EVL: variants seen among roughly 807,000 people sequenced by gnomAD.
EVL encodes the protein Enah/Vasp-like.
Under a neutral mutation model 59.6 loss-of-function variants are expected in EVL, and 21 were observed. The ratio of observed to expected loss-of-function variants is 0.35; its 90% CI spans 0.25 to 0.51. The LOEUF (loss-of-function observed/expected upper bound fraction) is 0.51, where lower values mean the gene tolerates loss of function less well. EVL is among the 20% of genes least tolerant of loss of function. The pLI is 0.97. For missense variants in EVL, 462 were observed against 546.6 expected (o/e 0.85, Z 1.54); for synonymous variants, 198 against 203.5 (o/e 0.97, Z 0.23).
chr14:100,063,566 A>G (rs2061874290), upstream of EVL, among the ~76,000 whole-genome samples: 1 of 152,258 alleles, frequency 6.6e-6, no homozygotes, highest in South Asian at 2.1e-4. Context: ...TAGTGACAGA[A>G]TTAAAGAGGG....
intron 1 of EVL, among the ~76,000 whole-genome samples, chr14:100,014,044 T>C (rs545619778): frequency 1.6e-4 from 25 of 152,350 alleles, no homozygotes; most frequent in South Asian, 4.1e-4. Flanking sequence ...ATTCCAGTTA[T>C]ACTCTTTTAG....
intron 1 of EVL, among the ~76,000 whole-genome samples, chr14:99,984,250 A>G (rs185109522): frequency 2.0e-5 from 3 of 152,300 alleles, no homozygotes; most frequent in African/African-American, 7.2e-5. Context: ...CTGCTGCCAT[A>G]AGACATGATT....
intron 1 of EVL, among the ~76,000 whole-genome samples, chr14:100,006,020 C>CCG (rs1403694326): frequency 6.6e-6 from 1 of 151,092 alleles, no homozygotes; most frequent in Non-Finnish European, 1.5e-5. Flanking sequence ...CCCCCCCCCC[C>CCG]CCCACACCGA....
At chr14:99,987,936 C>T (rs768487625) in intron 1 of EVL, among the ~76,000 whole-genome samples, 20 of 99,320 alleles carry the variant, frequency 2.0e-4, no homozygotes, top group Non-Finnish European at 2.3e-4. Flanking sequence ...TTTTTTGAGA[C>T]GGAGTTTCAC....
At chr14:100,005,590 T>C (rs1286863941) in intron 1 of EVL, among the ~76,000 whole-genome samples, 1 of 149,016 alleles carries the variant, frequency 6.7e-6, no homozygotes, top group Non-Finnish European at 1.5e-5. Context: ...AAAAAGACAG[T>C]GTCCTAGGAG....
intron 1 of EVL, among the ~76,000 whole-genome samples, chr14:99,989,235 G>A (rs940770976): frequency 2.6e-5 from 4 of 152,018 alleles, no homozygotes; most frequent in African/African-American, 9.7e-5. Context: ...GAGTGTCTCG[G>A]TTCCCTCCTG....
rs1888225456 is a variant in EVL, at chr14:100,128,569, T to C, written c.538T>C (p.Ser180Pro). ...TTCATCTGCAGCCAGCGCCCCCGTCTCATGTAGTGGGCCTCCACCGCCCCC... is the reference window on the plus strand; with the variant it reads ...TTCATCTGCAGCCAGCGCCCCCGTCCCATGTAGTGGGCCTCCACCGCCCCC... Reference protein sequence around the residue: ...HPSSAASAPVSCSGPPPPPPP... With the variant: ...HPSSAASAPVPCSGPPPPPPP... Residue 180 changes from serine to proline, a missense_variant, in exon 6 of 14, where the codon TCA becomes CCA. Physicochemically the swap from Ser to Pro is moderately conservative, Grantham distance 74. Coordinates refer to ENST00000392920, the MANE Select transcript of EVL (RefSeq NM_016337.3). 1 of 1,609,002 alleles carries C rather than the reference T, an allele frequency of 6.2e-7. No homozygotes were observed. The highest frequency in any genetic ancestry group is 8.5e-7 in the Non-Finnish European group (1 of 1,178,512).
At chr14:100,044,672 G>A (rs1003590422) in intron 1 of EVL, among the ~76,000 whole-genome samples, 13 of 152,288 alleles carry the variant, frequency 8.5e-5, no homozygotes, top group East Asian at 1.9e-4. Flanking sequence ...CCCAGGCCCA[G>A]GGTTCTTGGA....
chr14:100,008,690 T>A (rs1381720591), intron 1 of EVL, among the ~76,000 whole-genome samples: 3 of 152,204 alleles, frequency 2.0e-5, no homozygotes, highest in Admixed American at 6.5e-5. Flanking sequence ...TTTTAAAAAA[T>A]AACTGCATTT....
intron 1 of EVL, among the ~76,000 whole-genome samples, chr14:100,059,293 C>T (rs1412582972): frequency 3.3e-5 from 5 of 152,226 alleles, no homozygotes; most frequent in African/African-American, 1.2e-4. Context: ...CCCTGGCTTT[C>T]TGCCTGCAGT....
Position 100,130,704 on chromosome 14 carries a change from G to A in EVL, c.839+1020G>A, listed in dbSNP as rs1232127806. 2.0e-5 allele frequency among the ~76,000 whole-genome samples: 3 copies of A among 152,230 alleles called. No homozygotes were observed. Among genetic ancestry groups the A allele is most frequent in the Admixed American group, 6.5e-5 (1 of 15,294 alleles). On this transcript the variant is annotated intron_variant, in intron 7 of 13. Transcript: ENST00000392920. The surrounding 1 kb of genome is among the most constrained non-coding windows in gnomAD (Gnocchi z 4.8). ...CACAGCTGCAGGCAGCTGGTGTGGC[G>A]CTTCATGGCAGGGCCACAGCCTGGG...
chr14:100,112,871 G>T (rs1887091689), intron 3 of EVL, among the ~76,000 whole-genome samples: 1 of 152,208 alleles, frequency 6.6e-6, no homozygotes. Context: ...TGTATCCACA[G>T]CTATGACCCC....
In EVL at chr14:100,024,114, G is replaced by A. The variant is rs571687191; in HGVS notation, c.5+52057G>A. ...TCCACAATTGCTATTTGTTAGTCAC[G>A]TGAAAATGGAAGTTACTATTTTGAG... is the stretch of plus-strand genomic sequence containing the variant. On this transcript the variant is annotated intron_variant, in intron 1 of 13. Coordinates refer to the EVL transcript ENST00000402714. 2.6e-5 allele frequency among the ~76,000 whole-genome samples: 4 copies of A among 152,332 alleles called. No homozygotes were observed. In the South Asian group the frequency reaches 6.2e-4, roughly 24 times the overall value.
chr14:99,990,342 A>AT (rs528356997), intron 1 of EVL, among the ~76,000 whole-genome samples: 2 of 152,110 alleles, frequency 1.3e-5, no homozygotes, highest in Non-Finnish European at 2.9e-5. Flanking sequence ...TTTAATTTTA[A>AT]TTTTTATTGT....
intron 4 of EVL, among the ~76,000 whole-genome samples, 169 bp downstream of exon 4, chr14:100,123,771 G>A (rs781699498): frequency 1.8e-4 from 27 of 152,220 alleles, no homozygotes; most frequent in African/African-American, 4.1e-4. Flanking sequence ...AGAGGGGGCC[G>A]ATGCGCAGCC....
chr14:100,106,820 TC>T (rs1451741358), intron 3 of EVL: 5 of 398,554 alleles, frequency 1.3e-5, no homozygotes, highest in Non-Finnish European at 1.8e-5. Context: ...CTGTCTCATT[TC>T]ACAGCCAGGA....
chr14:99,981,498 A>G (rs2060806395), intron 1 of EVL, among the ~76,000 whole-genome samples: 1 of 152,190 alleles, frequency 6.6e-6, no homozygotes, highest in Non-Finnish European at 1.5e-5. Flanking sequence ...ATTAAATCAT[A>G]TTGTTTCACA....
At chr14:100,136,699 G>A (rs918018042) in intron 9 of EVL, among the ~76,000 whole-genome samples, 1 of 152,154 alleles carries the variant, frequency 6.6e-6, no homozygotes, top group African/African-American at 2.4e-5. Flanking sequence ...CTGTGAAACT[G>A]CACGCCATGT....
intron 1 of EVL, among the ~76,000 whole-genome samples, chr14:100,074,003 G>C (rs1036387882): frequency 7.7e-6 from 1 of 129,808 alleles, no homozygotes; most frequent in African/African-American, 3.4e-5. Context: ...AGTCACCCCC[G>C]GGGGCGGTGG....
Sources: allele counts gnomAD v4.1 joint callset (sites outside exome capture counted in the v4.1 genomes callset), GRCh38; gene constraint gnomAD v4.1.1; non-coding constraint Gnocchi (gnomAD v3.1); transcripts MANE v1.5; gene names NCBI Gene and HGNC (gene_info 2026-07-23, HGNC 2026-07-21).